The following OPCML variants were observed in gnomAD, a reference collection of about 807,000 sequenced individuals.
OPCML encodes the protein opioid binding protein/cell adhesion molecule like, also known as opioid-binding protein/cell adhesion molecule.
Under a neutral mutation model 37.8 loss-of-function variants are expected in OPCML, and 13 were observed. The observed-to-expected ratio is 0.34, with a 90% CI of 0.22 to 0.55. OPCML has a LOEUF of 0.55. Ranked by LOEUF, OPCML falls within the 20% of genes least tolerant of loss-of-function variation. The pLI is 0.91. For missense variants in OPCML, 341 were observed against 435.6 expected, an observed-to-expected ratio of 0.78 and a Z score of 1.93; for synonymous variants, 176 against 168.8, an observed-to-expected ratio of 1.04 and a Z score of -0.33.
At chr11:132,472,812 G>A (rs1259393805) in intron 4 of OPCML, among the ~76,000 whole-genome samples, 1 of 152,206 alleles carries the variant, frequency 6.6e-6, no homozygotes, top group Non-Finnish European at 1.5e-5. Flanking sequence ...ATGGCCTGAT[G>A]GCATTTGTAT....
intron 1 of OPCML, among the ~76,000 whole-genome samples, chr11:133,126,718 T>C (rs1949522358): frequency 6.6e-6 from 1 of 152,172 alleles, no homozygotes; most frequent in African/African-American, 2.4e-5. Flanking sequence ...AAATTCTTTC[T>C]GGGAGAACAA....
At chr11:132,705,025 G>A (rs1041205732) in intron 2 of OPCML, among the ~76,000 whole-genome samples, 1 of 152,230 alleles carries the variant, frequency 6.6e-6, no homozygotes, top group African/African-American at 2.4e-5. Context: ...TGAGTAAACA[G>A]ATCTGGCTGA....
At chr11:132,990,636 A>G (rs1463232530) in intron 1 of OPCML, among the ~76,000 whole-genome samples, 2 of 152,204 alleles carry the variant, frequency 1.3e-5, no homozygotes, top group Non-Finnish European at 1.5e-5. Flanking sequence ...AAAGTAAGAA[A>G]CTGGAGGAAA....
chr11:133,454,689 G>A (rs1368097505), intron 1 of OPCML, among the ~76,000 whole-genome samples: 1 of 152,172 alleles, frequency 6.6e-6, no homozygotes, highest in Non-Finnish European at 1.5e-5. Context: ...CAAATTATTA[G>A]TATTCTGACT....
intron 1 of OPCML, among the ~76,000 whole-genome samples, chr11:133,284,216 A>C (rs1942237472): frequency 6.6e-6 from 1 of 152,184 alleles, no homozygotes; most frequent in East Asian, 1.9e-4. Context: ...CCCAACCTGT[A>C]CCGTGGCTCT....
At chr11:132,587,547 A>G (rs2096475641) in intron 3 of OPCML, among the ~76,000 whole-genome samples, 3 of 152,194 alleles carry the variant, frequency 2.0e-5, no homozygotes. Flanking sequence ...TGAGGATGTG[A>G]CCAGATGTTG....
chr11:132,615,420 G>A (rs945865252), intron 3 of OPCML, among the ~76,000 whole-genome samples: 2 of 152,262 alleles, frequency 1.3e-5, no homozygotes, highest in East Asian at 1.9e-4. Context: ...AAGGCATCAA[G>A]GTGAGGGTTG....
At chr11:133,295,360 G>A (rs1285911968) in intron 1 of OPCML, among the ~76,000 whole-genome samples, 1 of 152,146 alleles carries the variant, frequency 6.6e-6, no homozygotes, top group Non-Finnish European at 1.5e-5. Flanking sequence ...AGCTAAGGTA[G>A]GTAAGCTTAC....
intron 2 of OPCML, among the ~76,000 whole-genome samples, chr11:132,706,477 G>T (rs1944039188): frequency 6.6e-6 from 1 of 152,134 alleles, no homozygotes; most frequent in South Asian, 2.1e-4. Flanking sequence ...ATTTTTTAAT[G>T]CTACTTCCTT....
chr11:132,516,773 G>A (rs773019711), intron 4 of OPCML, among the ~76,000 whole-genome samples: 4 of 152,124 alleles, frequency 2.6e-5, no homozygotes, highest in African/African-American at 7.2e-5. Context: ...GTAGGCATGC[G>A]TGCATTAAAT....
At chr11:133,289,594 C>CAAAAAAAAAAAAAAAAA (rs1229577687) in intron 1 of OPCML, among the ~76,000 whole-genome samples, 4 of 52,304 alleles carry the variant, frequency 7.6e-5, no homozygotes, top group African/African-American at 3.0e-4. Flanking sequence ...GACTCCATCT[C>CAAAAAAAAAAAAAAAAA]AAAAAAAAAA....
At chr11:132,680,945 C>T (rs1031043912) in intron 2 of OPCML, among the ~76,000 whole-genome samples, 1 of 152,222 alleles carries the variant, frequency 6.6e-6, no homozygotes. Context: ...CATCGCGCAG[C>T]GTGGTGTTGG....
intron 2 of OPCML, among the ~76,000 whole-genome samples, chr11:132,903,275 A>G (rs1310789923): frequency 6.6e-6 from 1 of 152,238 alleles, no homozygotes; most frequent in Non-Finnish European, 1.5e-5. Flanking sequence ...AAGGTTTCCC[A>G]TATGTGACCA....
intron 2 of OPCML, among the ~76,000 whole-genome samples, chr11:132,858,951 T>G (rs922857750): frequency 2.6e-5 from 4 of 152,186 alleles, no homozygotes; most frequent in Non-Finnish European, 5.9e-5. Flanking sequence ...CAGAAGAGTA[T>G]TCCACATTCT....
chr11:132,937,687 G>A (rs1945438475), intron 2 of OPCML, among the ~76,000 whole-genome samples: 1 of 150,522 alleles, frequency 6.6e-6, no homozygotes, highest in African/African-American at 2.4e-5. Context: ...AGAGTGTCAC[G>A]GACTCAAGCC....
intron 4 of OPCML, among the ~76,000 whole-genome samples, chr11:132,443,770 T>G (rs2096044765): frequency 1.3e-5 from 2 of 152,238 alleles, no homozygotes; most frequent in East Asian, 3.9e-4. Flanking sequence ...CCACTGCTTC[T>G]TGTCCTTGAT....
intron 1 of OPCML, among the ~76,000 whole-genome samples, chr11:133,197,341 A>G (rs932364236): frequency 6.6e-6 from 1 of 152,208 alleles, no homozygotes; most frequent in African/African-American, 2.4e-5. Flanking sequence ...GAAAGGATCA[A>G]TTCTTTGGTA....
chr11:133,150,385 G>T (rs1949960691), intron 1 of OPCML, among the ~76,000 whole-genome samples: 1 of 152,198 alleles, frequency 6.6e-6, no homozygotes, highest in African/African-American at 2.4e-5. Context: ...TATGAAATTT[G>T]CCTGAGTTGA....
At chr11:133,422,115 C>G (rs188567046) in intron 1 of OPCML, 1 of 982,986 alleles carries the variant, frequency 1.0e-6, no homozygotes, top group African/African-American at 1.8e-5. Context: ...TATCCCTCCC[C>G]TAGCCCCCCA....
Sources: gnomAD v4.1 joint callset for allele counts (sites outside exome capture counted in the v4.1 genomes callset) on GRCh38, gnomAD v4.1.1 for gene constraint, MANE v1.5 for transcripts, NCBI Gene and HGNC (gene_info 2026-07-23, HGNC 2026-07-21) for gene names.